SGCZ: variants seen among roughly 807,000 people sequenced by gnomAD.
The protein encoded by SGCZ is zeta-sarcoglycan.
Under a neutral mutation model 41.3 loss-of-function variants are expected in SGCZ, and 40 were observed. The ratio of observed to expected loss-of-function variants is 0.97; its 90% confidence interval spans 0.75 to 1.26. The LOEUF (loss-of-function observed/expected upper bound fraction) is 1.26, where lower values mean the gene tolerates loss of function less well. SGCZ is among the 50% of genes most tolerant of loss of function. The pLI, the probability that SGCZ is intolerant of heterozygous loss-of-function variation, is 0.00. For missense variants in SGCZ, 552 were observed against 369.8 expected (o/e 1.49, Z -4.04); for synonymous variants, 206 against 137.5 (o/e 1.50, Z -3.49).
chr8:14,221,458 TA>T (rs1464269747), intron 4 of SGCZ, among the ~76,000 whole-genome samples: 1 of 152,192 alleles, frequency 6.6e-6, no homozygotes, highest in African/African-American at 2.4e-5. Flanking sequence ...GTGGCACCCA[TA>T]AATATCTCTT....
At chr8:14,564,377 G>A (rs141555841) in intron 1 of SGCZ, among the ~76,000 whole-genome samples, 4 of 152,188 alleles carry the variant, frequency 2.6e-5, no homozygotes, top group South Asian at 2.1e-4. Flanking sequence ...CAAGGAATGC[G>A]ACACAATAGT....
intron 1 of SGCZ, among the ~76,000 whole-genome samples, chr8:14,834,003 C>G (rs978110679): frequency 2.0e-5 from 3 of 152,028 alleles, no homozygotes; most frequent in Non-Finnish European, 4.4e-5. Context: ...GTCAATAATT[C>G]CTAAAATAGT....
intron 1 of SGCZ, among the ~76,000 whole-genome samples, chr8:14,959,416 G>A (rs1315292050): frequency 2.6e-5 from 4 of 152,044 alleles, no homozygotes; most frequent in Non-Finnish European, 4.4e-5. Flanking sequence ...CATGGATATC[G>A]TACATAGAGT....
chr8:14,213,984 G>C (rs1283109416), intron 4 of SGCZ, among the ~76,000 whole-genome samples: 2 of 151,970 alleles, frequency 1.3e-5, no homozygotes, highest in Non-Finnish European at 2.9e-5. Flanking sequence ...TTCATAGCAA[G>C]TTCAACATGT....
intron 1 of SGCZ, among the ~76,000 whole-genome samples, chr8:15,236,117 G>C (rs73667930): frequency 0.028 from 4,212 of 152,216 alleles, 71 homozygotes; most frequent in African/African-American, 0.042. Context: ...ACTTCCCTTT[G>C]CCCAGGGAAC....
At chr8:14,424,748 A>C (rs1246831336) in intron 2 of SGCZ, among the ~76,000 whole-genome samples, 1 of 152,198 alleles carries the variant, frequency 6.6e-6, no homozygotes, top group Non-Finnish European at 1.5e-5. Context: ...GTCACATTTT[A>C]GTTTTCTAAT....
At chr8:14,366,661 G>A (rs563594854) in intron 2 of SGCZ, among the ~76,000 whole-genome samples, 1 of 152,142 alleles carries the variant, frequency 6.6e-6, no homozygotes, top group South Asian at 2.1e-4. Context: ...TCCCATCTGA[G>A]ACAAGACAAG....
At chr8:14,919,618 A>G (rs966022734) in intron 1 of SGCZ, among the ~76,000 whole-genome samples, 1 of 152,082 alleles carries the variant, frequency 6.6e-6, no homozygotes, top group African/African-American at 2.4e-5. Flanking sequence ...TGACAGTAGT[A>G]CTATCTATTA....
chr8:14,895,417 G>T (rs959816686), intron 1 of SGCZ, among the ~76,000 whole-genome samples: 8 of 151,894 alleles, frequency 5.3e-5, no homozygotes, highest in African/African-American at 1.7e-4. Flanking sequence ...GTGTTTTTTT[G>T]GGGGTGATAC....
intron 1 of SGCZ, among the ~76,000 whole-genome samples, chr8:15,064,531 T>A: frequency 1.3e-5 from 1 of 75,894 alleles, no homozygotes; most frequent in African/African-American, 4.9e-5. Context: ...CCTCCAGGCC[T>A]CTCAAAAAAA....
intron 4 of SGCZ, among the ~76,000 whole-genome samples, chr8:14,185,656 A>ATTGTT (rs1315304699): frequency 6.6e-6 from 1 of 151,674 alleles, no homozygotes; most frequent in Non-Finnish European, 1.5e-5. Context: ...CTTACTACCC[A>ATTGTT]TTGTTTTGTT....
At chr8:14,234,703 G>C (rs913040361) in intron 4 of SGCZ, among the ~76,000 whole-genome samples, 4 of 152,040 alleles carry the variant, frequency 2.6e-5, no homozygotes, top group Admixed American at 6.6e-5. Context: ...AGGAGGGTTA[G>C]AACAGCTACT....
chr8:14,776,681 G>C (rs1339599921), intron 1 of SGCZ, among the ~76,000 whole-genome samples: 1 of 151,652 alleles, frequency 6.6e-6, no homozygotes, highest in Admixed American at 6.6e-5. Flanking sequence ...TTTTAGTAGA[G>C]GCGGGGTTTC....
intron 1 of SGCZ, among the ~76,000 whole-genome samples, chr8:14,791,052 G>A (rs1465631097): frequency 2.0e-5 from 3 of 149,492 alleles, no homozygotes; most frequent in African/African-American, 4.9e-5. Flanking sequence ...AAAAAAAAAA[G>A]AAAAATAGGA....
At chr8:15,168,332 G>A (rs546941222) in intron 1 of SGCZ, among the ~76,000 whole-genome samples, 4 of 152,258 alleles carry the variant, frequency 2.6e-5, no homozygotes, top group African/African-American at 9.6e-5. Flanking sequence ...CTGTTTCATG[G>A]GTAAAGACCA....
chr8:14,603,429 T>C (rs1805655156), intron 1 of SGCZ, among the ~76,000 whole-genome samples: 1 of 152,130 alleles, frequency 6.6e-6, no homozygotes, highest in Non-Finnish European at 1.5e-5. Flanking sequence ...AGATTTTCTA[T>C]GCCTTTCATC....
chr8:14,711,435 CAAAAA>C lies in SGCZ; in HGVS notation c.40-156514_40-156510del, dbSNP rs543412312. ...TAAAATCTCCTCTCTACTAAAAATA[CAAAAA>C]AAAAAAAAAAAAAAAGTTAGGCATG... is the stretch of plus-strand genomic sequence containing the variant. On this transcript the variant is annotated intron_variant, in intron 1 of 7. Coordinates refer to ENST00000382080, the MANE Select transcript of SGCZ (RefSeq NM_139167.4). Among the ~76,000 whole-genome samples the C allele has an allele frequency of 1.3e-3, 135 of 102,960 alleles. 2 individuals carry two copies. The highest frequency in any genetic ancestry group is 4.7e-3 in the African/African-American group (130 of 27,802). 67.5% of individuals were successfully genotyped at this position (102,960 alleles called of 152,430 possible).
intron 2 of SGCZ, among the ~76,000 whole-genome samples, chr8:14,365,076 T>A (rs1301490072): frequency 6.6e-6 from 1 of 152,064 alleles, no homozygotes. Context: ...CAATTTTTTA[T>A]CTCTATATTG....
intron 1 of SGCZ, among the ~76,000 whole-genome samples, chr8:15,124,323 G>C (rs1807597742): frequency 6.6e-6 from 1 of 152,118 alleles, no homozygotes; most frequent in African/African-American, 2.4e-5. Flanking sequence ...TATCTTTGAG[G>C]AGTAAATTAA....
Sources: allele counts gnomAD v4.1 joint callset (sites outside exome capture counted in the v4.1 genomes callset), GRCh38; gene constraint gnomAD v4.1.1; transcripts MANE v1.5; gene names NCBI Gene and HGNC (gene_info 2026-07-23, HGNC 2026-07-21).